Variants in PEAK1 observed in about 807,000 individuals in gnomAD.
PEAK1 encodes the protein inactive tyrosine-protein kinase PEAK1.
In PEAK1, 54 loss-of-function variants were observed where a neutral mutation model predicts 124.7. The observed-to-expected ratio is 0.43, with a 90% CI of 0.35 to 0.54. The LOEUF (loss-of-function observed/expected upper bound fraction) is 0.54, where lower values mean the gene tolerates loss of function less well. Ranked by LOEUF, PEAK1 falls within the 20% of genes least tolerant of loss-of-function variation. The pLI is 0.01. For synonymous variants in PEAK1, 719 were observed against 760.0 expected, an observed-to-expected ratio of 0.95 and a Z score of 0.89; for missense variants, 2,046 against 2,134.5, an observed-to-expected ratio of 0.96 and a Z score of 0.82.
intron 5 of PEAK1, among the ~76,000 whole-genome samples, chr15:77,280,491 A>AT (rs2062606618): frequency 6.6e-6 from 1 of 152,166 alleles, no homozygotes; most frequent in Admixed American, 6.5e-5. Context: ...TACCACCTAT[A>AT]TAACACTTGA....
chr15:77,331,680 G>C (rs549892731), intron 2 of PEAK1, among the ~76,000 whole-genome samples: 3 of 151,766 alleles, frequency 2.0e-5, no homozygotes, highest in African/African-American at 4.8e-5. Context: ...TCAGTGGCAC[G>C]ATCTCAGCTC....
At chr15:77,275,489 G>A (rs1344238173) in intron 5 of PEAK1, among the ~76,000 whole-genome samples, 9 of 152,102 alleles carry the variant, frequency 5.9e-5, no homozygotes, top group Admixed American at 2.0e-4. Context: ...AGGCCGAGGC[G>A]GGTGGATCAT....
At chr15:77,366,502 T>C (rs2068249982) in intron 1 of PEAK1, among the ~76,000 whole-genome samples, 1 of 151,974 alleles carries the variant, frequency 6.6e-6, no homozygotes, top group Non-Finnish European at 1.5e-5. Context: ...TAATGTAATA[T>C]AACAGGCATT....
rs536526006 is a variant in PEAK1, at chr15:77,166,729, C to T, written c.3138-8033G>A. Among the ~76,000 whole-genome samples the T allele has an allele frequency of 3.0e-4, 45 of 152,342 alleles. No homozygotes were observed. In the South Asian group the frequency reaches 8.5e-3, roughly 29 times the overall value. On this transcript the variant is annotated intron_variant, in intron 7 of 9. Transcript: ENST00000682557. ...CTGAGATTCAAACCCTGTAGCTTAG[C>T]TCTAAGTGTTTGTCCTTTAAGCAGT...
At chr15:77,406,315 AAATTGGTAAAGAGG>A (rs2071816857) in intron 1 of PEAK1, among the ~76,000 whole-genome samples, 1 of 152,232 alleles carries the variant, frequency 6.6e-6, no homozygotes, top group Admixed American at 6.5e-5. Context: ...AAGGGCATCC[AAATTGGTAAAGAGG>A]AAGTGAAACT....
intron 6 of PEAK1, among the ~76,000 whole-genome samples, chr15:77,211,676 C>T (rs565912628): frequency 3.2e-4 from 49 of 151,782 alleles, no homozygotes; most frequent in African/African-American, 9.9e-4. Flanking sequence ...GGTGAAACCC[C>T]GTCTCTACTA....
At chr15:77,191,548 T>C (rs988092296) in intron 6 of PEAK1, among the ~76,000 whole-genome samples, 2 of 152,178 alleles carry the variant, frequency 1.3e-5, no homozygotes, top group Non-Finnish European at 2.9e-5. Context: ...TTAAGACTTA[T>C]TGCTTCTACA....
rs2053043506 is a variant in PEAK1, at chr15:77,133,365, G to A, written c.3717C>T (p.Thr1239=). 6.2e-7 allele frequency: 1 copy of A among 1,614,218 alleles called. No individual in the cohort carries two copies. The highest frequency in any genetic ancestry group is 8.5e-7 in the Non-Finnish European group (1 of 1,180,028). The change falls in exon 9 of 10, where the codon ACC becomes ACT. Residue 1239 remains threonine (T), a synonymous_variant. Coordinates refer to ENST00000682557, the MANE Select transcript of PEAK1 (RefSeq NM_001385026.1). The surrounding 1 kb of genome is among the most constrained non-coding windows in gnomAD (Gnocchi z 4.2). ...PSAANSISSL[T]TLSIKDRFSN... is the part of the protein sequence containing the mutation. Reference sequence around the variant, plus strand: ...AAAATCTATCCTTAATACTGAGAGTGGTTAAGCTGGAAATGCTGTTTGCTG... The same window carrying A: ...AAAATCTATCCTTAATACTGAGAGTAGTTAAGCTGGAAATGCTGTTTGCTG...
In PEAK1 at chr15:77,417,225, C is replaced by A. The variant is rs199854035; in HGVS notation, c.-666+2781G>T. The A allele has an allele frequency of 1.2e-5, 6 of 501,060 alleles. No individual in the cohort carries two copies. The East Asian group carries it at 9.0e-4, about 75-fold the overall frequency. 31.0% of individuals were successfully genotyped at this position (501,060 alleles called of 1,614,324 possible). ...CTCCTCCTCAACTGTAAACTCCTTGCAAAAAGGAATCTCATATTCTATAAT... is the reference window on the plus strand; with the variant it reads ...CTCCTCCTCAACTGTAAACTCCTTGAAAAAAGGAATCTCATATTCTATAAT... On this transcript the variant is annotated intron_variant, in intron 1 of 9. Transcript: ENST00000682557.
At chr15:77,233,810 CAT>C (rs1224924395) in intron 6 of PEAK1, among the ~76,000 whole-genome samples, 2 of 152,220 alleles carry the variant, frequency 1.3e-5, no homozygotes, top group East Asian at 1.9e-4. Context: ...TTGAATAAAA[CAT>C]ATTTTTCTGA....
intron 2 of PEAK1, chr15:77,351,837 T>A (rs1188957370): frequency 9.1e-6 from 9 of 985,274 alleles, no homozygotes; most frequent in Non-Finnish European, 1.1e-5. Flanking sequence ...CAGTTTGAGT[T>A]TTAGACAATT....
chr15:77,190,578 A>C (rs1382807446), intron 6 of PEAK1, among the ~76,000 whole-genome samples: 1 of 152,240 alleles, frequency 6.6e-6, no homozygotes, highest in East Asian at 1.9e-4. Context: ...CAGCAATATA[A>C]TTTCCAGGAC....
chr15:77,255,037 G>GAATAA (rs2061062116), intron 5 of PEAK1, among the ~76,000 whole-genome samples: 1 of 152,146 alleles, frequency 6.6e-6, no homozygotes. Flanking sequence ...AGTTGAAATT[G>GAATAA]AATAAAATGA....
intron 6 of PEAK1, among the ~76,000 whole-genome samples, chr15:77,211,848 CAA>C (rs34360713): frequency 6.0e-5 from 3 of 49,774 alleles, no homozygotes; most frequent in African/African-American, 1.5e-4. Flanking sequence ...AACTCCATCT[CAA>C]AAAAAAAAAA....
At chr15:77,267,675 T>C (rs900582052) in intron 5 of PEAK1, among the ~76,000 whole-genome samples, 1 of 152,150 alleles carries the variant, frequency 6.6e-6, no homozygotes, top group African/African-American at 2.4e-5. Context: ...GAGCACCACA[T>C]GAAGGGAGCA....
chr15:77,238,929 A>G (rs2060240769), intron 6 of PEAK1, among the ~76,000 whole-genome samples: 1 of 152,202 alleles, frequency 6.6e-6, no homozygotes, highest in Non-Finnish European at 1.5e-5. Context: ...CCAGTCCTAC[A>G]CATATTTTAG....
At chr15:77,198,870 AT>A (rs2058229822) in intron 6 of PEAK1, among the ~76,000 whole-genome samples, 1 of 152,260 alleles carries the variant, frequency 6.6e-6, no homozygotes, top group Non-Finnish European at 1.5e-5. Flanking sequence ...CAGCAGATAA[AT>A]TCCTAGATGC....
At chr15:77,117,207 T>C (rs1383278557) in intron 9 of PEAK1, among the ~76,000 whole-genome samples, 1 of 152,236 alleles carries the variant, frequency 6.6e-6, no homozygotes, top group East Asian at 1.9e-4. Flanking sequence ...TCAGATTGGA[T>C]GGTTAAACTC....
chr15:77,409,424 C>A (rs2072213672), intron 1 of PEAK1, among the ~76,000 whole-genome samples: 1 of 152,152 alleles, frequency 6.6e-6, no homozygotes, highest in African/African-American at 2.4e-5. Context: ...AAGTGATTTT[C>A]CCAAGTGGTA....
Sources: gnomAD v4.1 joint callset for allele counts (sites outside exome capture counted in the v4.1 genomes callset) on GRCh38, gnomAD v4.1.1 for gene constraint, Gnocchi (gnomAD v3.1) non-coding constraint, MANE v1.5 for transcripts, NCBI Gene and HGNC (gene_info 2026-07-23, HGNC 2026-07-21) for gene names.